The following PRELID2 variants were observed in gnomAD, a reference collection of about 807,000 sequenced individuals.
PRELID2 encodes PRELI domain containing 2, also known as PRELI domain-containing protein 2.
Under a neutral mutation model 28.4 loss-of-function variants are expected in PRELID2, and 25 were observed. That is an observed-to-expected ratio of 0.88 (90% CI 0.64 to 1.23). The LOEUF (loss-of-function observed/expected upper bound fraction) is 1.23. PRELID2 is among the 50% of genes most tolerant of loss of function. PRELID2 has a pLI of 0.00. For missense variants in PRELID2, 201 were observed against 214.4 expected (o/e 0.94, Z 0.39); for synonymous variants, 76 against 71.6 (o/e 1.06, Z -0.31).
At chr5:145,330,996 A>G in the PRELID2 span, among the ~76,000 whole-genome samples, 2 of 152,144 alleles carry the variant, frequency 1.3e-5, no homozygotes, top group South Asian at 2.1e-4. Context: ...TGGGTTTCAA[A>G]GAGCTTATTT....
At chr5:145,300,253 G>A in the PRELID2 span, among the ~76,000 whole-genome samples, 11 of 151,872 alleles carry the variant, frequency 7.2e-5, no homozygotes, top group African/African-American at 1.2e-4. Context: ...AACGTCTCAG[G>A]CTTATCTTGG....
At chr5:145,315,064 CTT>C in the PRELID2 span, among the ~76,000 whole-genome samples, 3,248 of 100,332 alleles carry the variant, frequency 0.032, 56 homozygotes, top group African/African-American at 0.11. Context: ...TACAATAATT[CTT>C]TTTTTTTTTT....
At chr5:145,303,962 A>G in the PRELID2 span, among the ~76,000 whole-genome samples, 3 of 152,164 alleles carry the variant, frequency 2.0e-5, no homozygotes, top group African/African-American at 7.2e-5. Flanking sequence ...GTATGATAGA[A>G]TCGGTGAAAA....
chr5:145,489,403 T>C (rs777629032), intron 1 of PRELID2, among the ~76,000 whole-genome samples: 26 of 152,172 alleles, frequency 1.7e-4, no homozygotes, highest in Non-Finnish European at 1.5e-5. Flanking sequence ...ATAGTTGTAT[T>C]TGTGTATTTT....
chr5:145,504,921 G>C (rs17476939), intron 1 of PRELID2, among the ~76,000 whole-genome samples: 3,038 of 152,148 alleles, frequency 0.02, 38 homozygotes, highest in Non-Finnish European at 0.028. Flanking sequence ...ATATATTCTT[G>C]TTCACTTCAC....
the PRELID2 span, among the ~76,000 whole-genome samples, chr5:145,302,649 C>A: frequency 1.8e-4 from 27 of 151,686 alleles, no homozygotes; most frequent in Admixed American, 1.6e-3. Flanking sequence ...ATATTAAGAA[C>A]ATATATTAAT....
the PRELID2 span, among the ~76,000 whole-genome samples, chr5:145,263,871 T>C: frequency 1.2e-4 from 17 of 143,432 alleles, no homozygotes; most frequent in African/African-American, 3.2e-4. Flanking sequence ...AAAAAAAAAG[T>C]CCAGGACCAG....
At chr5:145,387,428 A>T in the PRELID2 span, among the ~76,000 whole-genome samples, 1 of 152,162 alleles carries the variant, frequency 6.6e-6, no homozygotes. Context: ...TCATTACATT[A>T]GTTAAGAAAA....
chr5:145,645,846 G>A (rs1561530293), intron 1 of PRELID2, among the ~76,000 whole-genome samples: 1 of 152,288 alleles, frequency 6.6e-6, no homozygotes, highest in East Asian at 1.9e-4. Context: ...CTTTAAGAAT[G>A]TTGAATATTG....
the PRELID2 span, among the ~76,000 whole-genome samples, chr5:145,464,587 A>G: frequency 6.6e-6 from 1 of 152,210 alleles, no homozygotes; most frequent in Admixed American, 6.5e-5. Context: ...AATACTGTGT[A>G]TTCACCTTCT....
At chr5:145,736,153 T>G (rs1756489880) in intron 1 of PRELID2, among the ~76,000 whole-genome samples, 2 of 152,246 alleles carry the variant, frequency 1.3e-5, no homozygotes, top group East Asian at 3.8e-4. Context: ...TAAAATGGTT[T>G]CATTAAATCC....
chr5:145,363,878 A>G, the PRELID2 span, among the ~76,000 whole-genome samples: 1 of 152,078 alleles, frequency 6.6e-6, no homozygotes, highest in African/African-American at 2.4e-5. Context: ...GCACATACCT[A>G]TTCAAATTCT....
intron 1 of PRELID2, among the ~76,000 whole-genome samples, chr5:145,552,300 T>C (rs1337821574): frequency 6.6e-6 from 1 of 152,156 alleles, no homozygotes; most frequent in Non-Finnish European, 1.5e-5. Context: ...CAGGCCTTTG[T>C]TAAAATGTCC....
intron 2 of PRELID2, among the ~76,000 whole-genome samples, chr5:145,820,885 G>C (rs1754734552): frequency 6.6e-6 from 1 of 152,166 alleles, no homozygotes; most frequent in African/African-American, 2.4e-5. Context: ...GTACCAGTTA[G>C]AAGACAGCCA....
At chr5:145,335,674 A>ATGG in the PRELID2 span, among the ~76,000 whole-genome samples, 1 of 152,232 alleles carries the variant, frequency 6.6e-6, no homozygotes, top group East Asian at 1.9e-4. Context: ...CCCAACTACC[A>ATGG]AAACCAATGG....
the PRELID2 span, among the ~76,000 whole-genome samples, chr5:145,231,440 C>T: frequency 2.0e-5 from 3 of 152,046 alleles, no homozygotes; most frequent in Admixed American, 1.3e-4. Context: ...GTGGCCTACA[C>T]TGAGGGAGAG....
At chr5:145,445,044 T>C in the PRELID2 span, among the ~76,000 whole-genome samples, 1 of 152,052 alleles carries the variant, frequency 6.6e-6, no homozygotes, top group East Asian at 1.9e-4. Flanking sequence ...AAAACTTGTA[T>C]GGAACCACAA....
chr5:145,429,317 A>G, the PRELID2 span, among the ~76,000 whole-genome samples: 2 of 152,210 alleles, frequency 1.3e-5, no homozygotes, highest in African/African-American at 4.8e-5. Context: ...GTCATGGGGT[A>G]TGAGAGAAAG....
At chr5:145,654,959 G>T (rs984300448) in intron 1 of PRELID2, among the ~76,000 whole-genome samples, 4 of 152,026 alleles carry the variant, frequency 2.6e-5, no homozygotes, top group African/African-American at 9.7e-5. Context: ...AAGTCAAATT[G>T]TCCCTGTTTG....
Sources: allele counts gnomAD v4.1 joint callset (sites outside exome capture counted in the v4.1 genomes callset), GRCh38; gene constraint gnomAD v4.1.1; transcripts MANE v1.5; gene names NCBI Gene and HGNC (gene_info 2026-07-23, HGNC 2026-07-21).